Variants in ASNSD1 observed in about 807,000 individuals in gnomAD.
ASNSD1 encodes asparagine synthetase domain-containing protein 1.
A neutral mutation model predicts 48.3 loss-of-function variants in ASNSD1; 36 were observed. The ratio of observed to expected loss-of-function variants is 0.75; its 90% CI spans 0.57 to 0.99. The LOEUF (loss-of-function observed/expected upper bound fraction) is 0.99. Among genes scored for constraint, ASNSD1 ranks in the 50% least tolerant of loss-of-function variants. ASNSD1 has a pLI of 0.00. For missense variants in ASNSD1, 714 were observed against 758.2 expected (o/e 0.94, Z 0.69); for synonymous variants, 257 against 262.1 (o/e 0.98, Z 0.19).
Position 189,665,431 on chromosome 2 carries a change from A to T in ASNSD1, c.-113A>T. ...ATATTCTTTCTTGCAGACCGAACAGAAATGCTGTCTGAGAGCAAGAGTAAG... is the reference window on the plus strand; with the variant it reads ...ATATTCTTTCTTGCAGACCGAACAGTAATGCTGTCTGAGAGCAAGAGTAAG... On this transcript the variant is annotated 5_prime_UTR_variant, in exon 3 of 6. An upstream open reading frame in the 5' UTR gains an earlier in-frame stop. Coordinates refer to ENST00000260952, the MANE Select transcript of ASNSD1 (RefSeq NM_019048.4). The T allele has an allele frequency of 2.5e-6, 1 of 397,902 alleles. No individual in the cohort carries two copies. Among genetic ancestry groups the T allele is most frequent in the Non-Finnish European group, 4.4e-6 (1 of 225,576 alleles). The allele number at this position is 397,902 out of a possible 1,614,324, so 24.6% of individuals were successfully genotyped here.
intron 3 of ASNSD1, 144 bp from the exon 4 acceptor site, chr2:189,665,897 T>C (rs2032790353): frequency 7.1e-6 from 3 of 419,978 alleles, no homozygotes; most frequent in Non-Finnish European, 1.3e-5. Flanking sequence ...TAGTAGCCTG[T>C]TGTTAATTAT....
At chr2:189,669,177 GC>G in intron 5 of ASNSD1, among the ~76,000 whole-genome samples, 1 of 152,124 alleles carries the variant, frequency 6.6e-6, no homozygotes, top group South Asian at 2.1e-4. Context: ...TCTGGTCCTA[GC>G]CCATGTAAAA....
Position 189,667,502 on chromosome 2 carries a change from A to T in ASNSD1, c.1370A>T (p.Asp457Val). 6.2e-7 allele frequency: 1 copy of T among 1,614,218 alleles called. No homozygotes were observed. The highest frequency in any genetic ancestry group is 8.5e-7 in the Non-Finnish European group (1 of 1,180,038). The change falls in exon 4 of 6, where the codon GAT (aspartate) becomes GTT (valine). Residue 457 changes from aspartate (D) to valine (V), a missense_variant. Physicochemically the swap from Asp to Val is radical, Grantham distance 152. Coordinates refer to ENST00000260952, the MANE Select transcript of ASNSD1 (RefSeq NM_019048.4). ...ATTCGGCCATTGGATACAGTTTTGG[A>T]TGATAGCATTGGCTGTGCAGTCTGG... ...HLIRPLDTVL[D>V]DSIGCAVWFA...
At position 189,667,875 on chromosome 2, in the gene ASNSD1, C is replaced by A; in HGVS notation, c.1576C>A (p.Leu526Met). The change falls in exon 5 of 6, where the codon CTG becomes ATG. Residue 526 changes from leucine to methionine, a missense_variant. By Grantham distance (15) the Leu-to-Met change is conservative. Transcript: ENST00000260952. Reference sequence around the variant, plus strand: ...ATTGAATAAGGAAATAATGATGGAACTGGGTCGAATTTCTTCTAGAAATCT... The same window carrying A: ...ATTGAATAAGGAAATAATGATGGAAATGGGTCGAATTTCTTCTAGAAATCT... ...EGLNKEIMME[L>M]GRISSRNLGR... is the part of the protein sequence containing the mutation. 1 of 1,613,968 alleles carries A rather than the reference C, an allele frequency of 6.2e-7. No individual in the cohort carries two copies. The highest frequency in any genetic ancestry group is 8.5e-7 in the Non-Finnish European group (1 of 1,180,000).
At chr2:189,665,640 ATATATATT>A (rs2032783922) in intron 3 of ASNSD1, among the ~76,000 whole-genome samples, 189 bp downstream of exon 3, 3 of 119,448 alleles carry the variant, frequency 2.5e-5, no homozygotes, top group South Asian at 2.6e-4. Context: ...ATATATATAT[ATATATATT>A]ATAAATGTTT....
At position 189,661,613 on chromosome 2, in the gene ASNSD1, G is replaced by C. The variant is rs1188357559; in HGVS notation, c.-223+3G>C. ...ACAAGGAGGATCTAAGCAGCAAGGT[G>C]AGTGTGAGACGCGACGAAAAGGCTC... On this transcript the variant is annotated splice_donor_region_variant and intron_variant, in intron 1 of 5. Transcript: ENST00000260952. 2.5e-6 allele frequency: 1 copy of C among 399,420 alleles called. No homozygotes were observed. The highest frequency in any genetic ancestry group is 4.4e-6 in the Non-Finnish European group (1 of 226,328). 24.7% of individuals were successfully genotyped at this position (399,420 alleles called of 1,614,324 possible). A position where few individuals can be genotyped will look rare whatever the true frequency, so the allele number is the denominator to read the frequency against.
At chr2:189,668,068 C>A in intron 5 of ASNSD1, 123 bp downstream of exon 5, 1 of 928,754 alleles carries the variant, frequency 1.1e-6, no homozygotes. Flanking sequence ...GCAATAATAG[C>A]TTGGCTTTGT....
chr2:189,667,841 G>C lies in ASNSD1; in HGVS notation c.1542G>C (p.Gly514=). The C allele has an allele frequency of 3.1e-6, 5 of 1,614,094 alleles. No individual in the cohort carries two copies. In the South Asian group the frequency reaches 4.4e-5, roughly 14 times the overall value. The change falls in exon 5 of 6, where the codon GGG becomes GGC. Residue 514 remains glycine (G), a synonymous_variant. Coordinates refer to ENST00000260952, the MANE Select transcript of ASNSD1 (RefSeq NM_019048.4). ...ATCGTGTCCGCTTTCAGTCGCATGG[G>C]CTGGAAGGATTGAATAAGGAAATAA... ...SRHRVRFQSH[G]LEGLNKEIMM...
At chr2:189,669,988 C>G (rs1444901502) in intron 5 of ASNSD1, among the ~76,000 whole-genome samples, 1 of 152,028 alleles carries the variant, frequency 6.6e-6, no homozygotes, top group African/African-American at 2.4e-5. Context: ...TGATAAAGAT[C>G]AGACACAGAT....
At chr2:189,664,241 C>T (rs2032736442) in intron 2 of ASNSD1, among the ~76,000 whole-genome samples, 1 of 151,932 alleles carries the variant, frequency 6.6e-6, no homozygotes, top group Admixed American at 6.6e-5. Flanking sequence ...TGTTTTATAC[C>T]TGAATTTGAT....
chr2:189,665,217 T>C (rs926540944), intron 2 of ASNSD1, 159 bp from the exon 3 acceptor site: 4 of 365,950 alleles, frequency 1.1e-5, no homozygotes, highest in Non-Finnish European at 1.5e-5. Context: ...TTTCTGGTAG[T>C]TGGGCAGTGG....
rs752387034 is a variant in ASNSD1, at chr2:189,667,946, G to A, written c.1646+1G>A. On this transcript the variant is annotated splice_donor_variant, in intron 5 of 5. Coordinates refer to ENST00000260952, the MANE Select transcript of ASNSD1 (RefSeq NM_019048.4). LOFTEE classifies it high-confidence loss of function. ...TTGGTGATCATGGAAAAGAAGCAAG[G>A]TAATTCTAATCATTTGAGTGTTCTT... The A allele has an allele frequency of 3.1e-6, 5 of 1,605,858 alleles. No homozygotes were observed. The highest frequency in any genetic ancestry group is 4.2e-6 in the Non-Finnish European group (5 of 1,176,938).
At position 189,666,739 on chromosome 2, in the gene ASNSD1, T is replaced by G. The variant is rs769424635; in HGVS notation, c.607T>G (p.Ser203Ala). 2 of 1,613,328 alleles carry G rather than the reference T, an allele frequency of 1.2e-6. No individual in the cohort carries two copies. Among genetic ancestry groups the G allele is most frequent in the Non-Finnish European group, 1.7e-6 (2 of 1,179,390 alleles). Reference protein sequence around the residue: ...ILQLYPWKYISRENIIEENVN... With the variant: ...ILQLYPWKYIARENIIEENVN... Reference sequence around the variant, plus strand: ...ACAACTGTATCCTTGGAAATATATTTCTAGGGAGAATATTATTGAAGAAAA... The same window carrying G: ...ACAACTGTATCCTTGGAAATATATTGCTAGGGAGAATATTATTGAAGAAAA... The change falls in exon 4 of 6, where the codon TCT (serine) becomes GCT (alanine). Residue 203 changes from serine (S) to alanine (A), a missense_variant. By Grantham distance (99) the Ser-to-Ala change is moderately conservative. Transcript: ENST00000260952.
At chr2:189,668,662 A>C (rs897187598) in intron 5 of ASNSD1, among the ~76,000 whole-genome samples, 1 of 152,248 alleles carries the variant, frequency 6.6e-6, no homozygotes, top group Non-Finnish European at 1.5e-5. Flanking sequence ...CTTTGTCTCT[A>C]TAGACATTTC....
chr2:189,670,683 T>C lies in ASNSD1; in HGVS notation c.1889T>C (p.Met630Thr), dbSNP rs763325939. ...ASDKCGRLQI[M>T]SLENLSIEKE... Reference sequence around the variant, plus strand: ...GATAAATGTGGACGGCTCCAAATCATGTCCTTAGAAAATCTTTCTATTGAA... The same window carrying C: ...GATAAATGTGGACGGCTCCAAATCACGTCCTTAGAAAATCTTTCTATTGAA... Residue 630 changes from methionine (M) to threonine (T), a missense_variant, in exon 6 of 6, where the codon ATG becomes ACG. Physicochemically the swap from Met to Thr is moderately conservative, Grantham distance 81. Transcript: ENST00000260952. 6 of 1,604,324 alleles carry C rather than the reference T, an allele frequency of 3.7e-6. No homozygotes were observed. Among genetic ancestry groups the C allele is most frequent in the Middle Eastern group, 1.7e-4 (1 of 6,042 alleles).
intron 5 of ASNSD1, among the ~76,000 whole-genome samples, chr2:189,668,781 CA>C (rs1479594821): frequency 6.6e-6 from 1 of 152,212 alleles, no homozygotes; most frequent in African/African-American, 2.4e-5. Flanking sequence ...CTAAAACCTT[CA>C]AAGAAACCAA....
rs767133641 is a variant in ASNSD1, at chr2:189,667,470, T to G, written c.1338T>G (p.Cys446Trp). The change falls in exon 4 of 6, where the codon TGT (cysteine) becomes TGG (tryptophan). Residue 446 changes from cysteine to tryptophan, a missense_variant. By Grantham distance (215) the Cys-to-Trp change is radical. Coordinates refer to ENST00000260952, the MANE Select transcript of ASNSD1 (RefSeq NM_019048.4). ...ELQKLRRTRI[C>W]HLIRPLDTVL... ...AGAAATTAAGAAGAACTCGAATATG[T>G]CACTTAATTCGGCCATTGGATACAG... The G allele has an allele frequency of 6.2e-7, 1 of 1,614,186 alleles. No homozygotes were observed. Among genetic ancestry groups the G allele is most frequent in the Non-Finnish European group, 8.5e-7 (1 of 1,180,024 alleles).
Position 189,667,783 on chromosome 2 carries a change from G to T in ASNSD1, c.1484G>T (p.Gly495Val). The stretch of plus-strand genomic sequence containing the variant: ...TCATAGGTAGTTCTCACTGGAATTG[G>T]TGCAGATGAGCAACTTGCAGGTTAT... ...SNAKVVLTGI[G>V]ADEQLAGYSR... Residue 495 changes from glycine to valine, a missense_variant, in exon 5 of 6, where the codon GGT becomes GTT. Transcript: ENST00000260952. 6.2e-7 allele frequency: 1 copy of T among 1,613,436 alleles called. No individual in the cohort carries two copies.
In ASNSD1 at chr2:189,667,393, C is replaced by G; in HGVS notation, c.1261C>G (p.Pro421Ala). 6.2e-7 allele frequency: 1 copy of G among 1,614,166 alleles called. No homozygotes were observed. Among genetic ancestry groups the G allele is most frequent in the African/African-American group, 1.3e-5 (1 of 75,048 alleles). Residue 421 changes from proline to alanine, a missense_variant, in exon 4 of 6, where the codon CCT (proline) becomes GCT (alanine). Pro to Ala is a conservative substitution (Grantham distance 27). Coordinates refer to ENST00000260952, the MANE Select transcript of ASNSD1 (RefSeq NM_019048.4). Reference sequence around the variant, plus strand: ...ACTAAAGGAACTACAAGCTGTTAGCCCTTCCCGAATTTGGAATTTTGTTGA... The same window carrying G: ...ACTAAAGGAACTACAAGCTGTTAGCGCTTCCCGAATTTGGAATTTTGTTGA... ...AGLKELQAVS[P>A]SRIWNFVEIN...
Sources: allele counts gnomAD v4.1 joint callset (sites outside exome capture counted in the v4.1 genomes callset), GRCh38; gene constraint gnomAD v4.1.1; transcripts MANE v1.5; gene names NCBI Gene and HGNC (gene_info 2026-07-23, HGNC 2026-07-21).